ARHGEF10L: variants seen among roughly 807,000 people sequenced by gnomAD.
The protein encoded by ARHGEF10L is rho guanine nucleotide exchange factor 10-like protein.
Under a neutral mutation model 141.2 loss-of-function variants are expected in ARHGEF10L, and 69 were observed. That is an observed-to-expected ratio of 0.49 (90% CI 0.40 to 0.60). The LOEUF is 0.60. ARHGEF10L is among the 20% of genes least tolerant of loss of function. The pLI, the probability that ARHGEF10L is intolerant of heterozygous loss-of-function variation, is 0.00. For missense variants in ARHGEF10L, 1,482 were observed against 1,734.3 expected (o/e 0.85, Z 2.58); for synonymous variants, 711 against 718.5 (o/e 0.99, Z 0.17).
intron 4 of ARHGEF10L, among the ~76,000 whole-genome samples, chr1:17,593,283 A>G (rs2079750682): frequency 6.6e-6 from 1 of 152,330 alleles, no homozygotes; most frequent in Admixed American, 6.5e-5. Context: ...TACAGTTTAC[A>G]TCTCATTTTG....
Position 17,542,845 on chromosome 1 carries a change from C to T in ARHGEF10L, c.-44+2895C>T, listed in dbSNP as rs539225073. On this transcript the variant is annotated intron_variant, in intron 1 of 28. Coordinates refer to ENST00000361221, the MANE Select transcript of ARHGEF10L (RefSeq NM_018125.4). ...AGTCAGCGAAGGCGCCAGCACTCAG[C>T]CTGGGACTCCCTGGCCACTCAGTCC... 5.3e-5 allele frequency among the ~76,000 whole-genome samples: 8 copies of T among 152,286 alleles called. No homozygotes were observed. The East Asian group carries it at 1.5e-3, about 29-fold the overall frequency.
At chr1:17,610,497 C>G (rs754915851) in intron 7 of ARHGEF10L, among the ~76,000 whole-genome samples, 1 of 152,228 alleles carries the variant, frequency 6.6e-6, no homozygotes, top group African/African-American at 2.4e-5. Context: ...CGCTGATCAG[C>G]AGGCTCCTAG....
upstream of ARHGEF10L, among the ~76,000 whole-genome samples, chr1:17,535,926 G>C (rs529165627): frequency 3.2e-4 from 48 of 152,206 alleles, no homozygotes; most frequent in Middle Eastern, 6.8e-3. Context: ...CTCACAGTCC[G>C]GGGGGGAGAC....
intron 26 of ARHGEF10L, 123 bp downstream of exon 26, chr1:17,664,718 G>A (rs2062859388): frequency 7.8e-7 from 1 of 1,285,550 alleles, no homozygotes; most frequent in South Asian, 1.7e-5. Flanking sequence ...ATTGGGCAGA[G>A]TTTGTCCGGA....
chr1:17,671,831 T>C (rs2063340162), intron 26 of ARHGEF10L, among the ~76,000 whole-genome samples: 1 of 152,136 alleles, frequency 6.6e-6, no homozygotes, highest in Non-Finnish European at 1.5e-5. Context: ...CTGGCTCCCA[T>C]TGTTACCATC....
intron 26 of ARHGEF10L, among the ~76,000 whole-genome samples, chr1:17,676,001 G>A (rs1326295814): frequency 7.0e-6 from 1 of 143,384 alleles, no homozygotes; most frequent in Non-Finnish European, 1.5e-5. Context: ...TGCAGGTGTG[G>A]GTGCAGGTGT....
At chr1:17,634,225 A>G in intron 16 of ARHGEF10L, 1 of 483,266 alleles carries the variant, frequency 2.1e-6, no homozygotes, top group Non-Finnish European at 3.7e-6. Flanking sequence ...TCTAGCGCAA[A>G]GTGCAAAGTG....
intron 23 of ARHGEF10L, 62 bp from the exon 24 acceptor site, chr1:17,655,817 G>T: frequency 1.4e-6 from 2 of 1,450,860 alleles, no homozygotes; most frequent in South Asian, 2.6e-5. Flanking sequence ...CAGGGGCTGA[G>T]GTCCTCCTCT....
the ARHGEF10L span, among the ~76,000 whole-genome samples, chr1:17,513,601 T>C: frequency 2.0e-5 from 3 of 152,162 alleles, no homozygotes; most frequent in South Asian, 6.2e-4. Flanking sequence ...AGAAAGGTTT[T>C]CAACCATGGA....
chr1:17,548,235 A>G (rs1287303348), intron 1 of ARHGEF10L, among the ~76,000 whole-genome samples: 2 of 152,194 alleles, frequency 1.3e-5, no homozygotes, highest in African/African-American at 4.8e-5. Flanking sequence ...TTAATAGGAG[A>G]AAAGGCATAT....
chr1:17,580,559 A>G lies in ARHGEF10L; in HGVS notation c.-37A>G. On this transcript the variant is annotated 5_prime_UTR_variant, in exon 2 of 29. Transcript: ENST00000361221. ...TCTGGTCTTCTTTCCACAGGTGTGTAGCTGGGACGGTGCTGGTCTGAGCTG... is the reference window on the plus strand; with the variant it reads ...TCTGGTCTTCTTTCCACAGGTGTGTGGCTGGGACGGTGCTGGTCTGAGCTG... 6.2e-7 allele frequency: 1 copy of G among 1,614,096 alleles called. No homozygotes were observed. Among genetic ancestry groups the G allele is most frequent in the Non-Finnish European group, 8.5e-7 (1 of 1,179,964 alleles).
chr1:17,554,064 C>T (rs1223538551), intron 1 of ARHGEF10L, among the ~76,000 whole-genome samples: 1 of 152,182 alleles, frequency 6.6e-6, no homozygotes, highest in East Asian at 1.9e-4. Context: ...CTAGGTGCTT[C>T]CTTGTGGGGG....
chr1:17,618,179 C>T lies in ARHGEF10L; in HGVS notation c.836-1160C>T, dbSNP rs75897239. 4.3e-3 allele frequency: 2,979 copies of T among 690,154 alleles called. 77 individuals carry two copies. The African/African-American group carries it at 0.048, about 11-fold the overall frequency. 42.8% of individuals were successfully genotyped at this position (690,154 alleles called of 1,614,324 possible). A position where few individuals can be genotyped will look rare whatever the true frequency, so the allele number is the denominator to read the frequency against. ...TTGAGATGGTCCGAAGACAGGATAA[C>T]GTGGCCAGGCCAGCTGGCTGGGAAC... On this transcript the variant is annotated intron_variant, in intron 9 of 28. Coordinates refer to ENST00000361221, the MANE Select transcript of ARHGEF10L (RefSeq NM_018125.4).
At position 17,623,267 on chromosome 1, in the gene ARHGEF10L, C is replaced by A. The variant is rs1383697000; in HGVS notation, c.1200+92C>A. 14 of 1,448,524 alleles carry A rather than the reference C, an allele frequency of 9.7e-6. No homozygotes were observed. Among genetic ancestry groups the A allele is most frequent in the African/African-American group, 1.4e-5 (1 of 70,116 alleles). The allele number at this position is 1,448,524 out of a possible 1,614,324, so 89.7% of individuals were successfully genotyped here. ...CATGCAGTCCAGCCTCCTGCCTCTG[C>A]CTGCTTGCCTTGTTCAAGTCAGTGG... On this transcript the variant is annotated intron_variant, in intron 12 of 28. Coordinates refer to ENST00000361221, the MANE Select transcript of ARHGEF10L (RefSeq NM_018125.4). This position sits in a 1 kb window ranked among gnomAD's most constrained non-coding sequence, Gnocchi z 4.7.
At chr1:17,587,044 G>A (rs541641607) in intron 2 of ARHGEF10L, among the ~76,000 whole-genome samples, 15 of 152,270 alleles carry the variant, frequency 9.9e-5, no homozygotes, top group Admixed American at 8.5e-4. Flanking sequence ...GGAAGGATGC[G>A]CTGTCTGTGC....
chr1:17,525,851 A>G, the ARHGEF10L span, among the ~76,000 whole-genome samples: 8 of 151,472 alleles, frequency 5.3e-5, no homozygotes, highest in African/African-American at 9.7e-5. Flanking sequence ...AAAAATACAA[A>G]AATTAGCCAG....
chr1:17,514,323 A>C, the ARHGEF10L span, among the ~76,000 whole-genome samples: 2 of 151,224 alleles, frequency 1.3e-5, no homozygotes, highest in South Asian at 4.2e-4. Flanking sequence ...TTTAGTAGAG[A>C]CAGGGTTTTG....
chr1:17,664,497 C>T lies in ARHGEF10L; in HGVS notation c.2911C>T (p.Pro971Ser). 2 of 1,607,814 alleles carry T rather than the reference C, an allele frequency of 1.2e-6. No homozygotes were observed. Among genetic ancestry groups the T allele is most frequent in the Non-Finnish European group, 1.7e-6 (2 of 1,179,804 alleles). Residue 971 changes from proline (P) to serine (S), a missense_variant, in exon 26 of 29, where the codon CCC becomes TCC. Pro to Ser is a moderately conservative substitution (Grantham distance 74). Transcript: ENST00000361221. ...ESPPVCLTVG[P>S]GPVRTLLSLE... ...CCCTCCCGTGTGCCTGACTGTGGGGCCCGGGCCTGTCCGCACCCTGTTGAG... is the reference window on the plus strand; with the variant it reads ...CCCTCCCGTGTGCCTGACTGTGGGGTCCGGGCCTGTCCGCACCCTGTTGAG...
intron 1 of ARHGEF10L, among the ~76,000 whole-genome samples, chr1:17,544,281 T>C (rs1172301857): frequency 6.7e-6 from 1 of 148,326 alleles, no homozygotes. Flanking sequence ...TATGTGTGTA[T>C]ATATATATAT....
Sources: allele counts gnomAD v4.1 joint callset (sites outside exome capture counted in the v4.1 genomes callset), GRCh38; gene constraint gnomAD v4.1.1; non-coding constraint Gnocchi (gnomAD v3.1); transcripts MANE v1.5; gene names NCBI Gene and HGNC (gene_info 2026-07-23, HGNC 2026-07-21).